The following ZNF486 variants were observed in gnomAD, a reference collection of about 807,000 sequenced individuals.
ZNF486 encodes the protein KRAB box only protein 2.
A neutral mutation model predicts 12.8 loss-of-function variants in ZNF486; 12 were observed. That is an observed-to-expected ratio of 0.94 (90% CI 0.60 to 1.52). The LOEUF is 1.52. ZNF486 is among the 40% of genes most tolerant of loss of function. The pLI, the probability that ZNF486 is intolerant of heterozygous loss-of-function variation, is 0.00. For synonymous variants in ZNF486, 231 were observed against 184.9 expected (o/e 1.25, Z -2.02); for missense variants, 738 against 545.0 (o/e 1.35, Z -3.53).
chr19:20,181,517 T>C (rs1389449486), intron 1 of ZNF486, among the ~76,000 whole-genome samples: 3 of 142,156 alleles, frequency 2.1e-5, no homozygotes, highest in Admixed American at 1.5e-4. Context: ...CCAGCCTGGG[T>C]GGCAGCGAGA....
chr19:20,193,270 A>T (rs1357103232), intron 3 of ZNF486, among the ~76,000 whole-genome samples: 4 of 151,888 alleles, frequency 2.6e-5, no homozygotes, highest in Admixed American at 6.6e-5. Flanking sequence ...ATATTTTATT[A>T]AAAAACTTTA....
chr19:20,177,624 C>T (rs1056855710), intron 1 of ZNF486, among the ~76,000 whole-genome samples: 2 of 152,234 alleles, frequency 1.3e-5, no homozygotes, highest in African/African-American at 4.8e-5. Flanking sequence ...ATTGCCCAGG[C>T]TGGAGTGCAA....
chr19:20,185,406 T>G (rs964151445), intron 2 of ZNF486, among the ~76,000 whole-genome samples: 2 of 98,000 alleles, frequency 2.0e-5, no homozygotes, highest in Admixed American at 8.8e-5. Context: ...TTGTTTATGT[T>G]TTTTTTTTTT....
intron 1 of ZNF486, among the ~76,000 whole-genome samples, chr19:20,174,107 A>G (rs1335382217): frequency 2.0e-5 from 3 of 152,192 alleles, no homozygotes; most frequent in African/African-American, 7.2e-5. Context: ...ACAGAAGCTT[A>G]GCACAAAGAT....
At chr19:20,168,540 G>C (rs1210574115) in intron 1 of ZNF486, among the ~76,000 whole-genome samples, 2 of 151,984 alleles carry the variant, frequency 1.3e-5, no homozygotes, top group African/African-American at 4.8e-5. Context: ...TGTAATCCCA[G>C]CTACTCGGGA....
rs1599703162 is a variant in ZNF486, at chr19:20,179,142, TC to T, written c.31-5211del. On this transcript the variant is annotated intron_variant, in intron 1 of 3. Transcript: ENST00000335117. ...AAATGAAAGTGCAGTTATGTCTTTC[TC>T]CCACTTTGAACGATGTATTCATCTA... 1.3e-5 allele frequency among the ~76,000 whole-genome samples: 2 copies of T among 152,352 alleles called. 1 individual carries two copies. Among genetic ancestry groups the T allele is most frequent in the South Asian group, 4.1e-4 (2 of 4,828 alleles).
chr19:20,173,240 T>A (rs1373480675), intron 1 of ZNF486, among the ~76,000 whole-genome samples: 18 of 152,322 alleles, frequency 1.2e-4, no homozygotes, highest in African/African-American at 4.3e-4. Flanking sequence ...GATTTTTGCA[T>A]ATGGTGTAAC....
At chr19:20,194,524 T>A (rs895348789) in intron 3 of ZNF486, among the ~76,000 whole-genome samples, 9 of 152,194 alleles carry the variant, frequency 5.9e-5, no homozygotes, top group Non-Finnish European at 1.3e-4. Context: ...GTCAGAAGTT[T>A]GAGACCAGCC....
At chr19:20,178,477 C>G (rs1281222083) in intron 1 of ZNF486, among the ~76,000 whole-genome samples, 3 of 151,912 alleles carry the variant, frequency 2.0e-5, no homozygotes, top group Non-Finnish European at 4.4e-5. Flanking sequence ...CTCCTGACCT[C>G]ATGATCTGCC....
intron 3 of ZNF486, among the ~76,000 whole-genome samples, chr19:20,195,227 G>T (rs999649450): frequency 6.6e-6 from 1 of 152,154 alleles, no homozygotes; most frequent in African/African-American, 2.4e-5. Flanking sequence ...GCAGTACAGT[G>T]GTACAATCTC....
At chr19:20,173,325 TC>T (rs2089670660) in intron 1 of ZNF486, among the ~76,000 whole-genome samples, 1 of 152,200 alleles carries the variant, frequency 6.6e-6, no homozygotes, top group South Asian at 2.1e-4. Context: ...AGAGAATCCT[TC>T]CCACATTTCT....
At chr19:20,194,840 TTA>T (rs2089942388) in intron 3 of ZNF486, among the ~76,000 whole-genome samples, 1 of 152,220 alleles carries the variant, frequency 6.6e-6, no homozygotes, top group South Asian at 2.1e-4. Flanking sequence ...GAAATTTTGC[TTA>T]TATATGTGTT....
At chr19:20,179,795 T>A (rs1555715286) in intron 1 of ZNF486, among the ~76,000 whole-genome samples, 1 of 152,184 alleles carries the variant, frequency 6.6e-6, no homozygotes, top group East Asian at 1.9e-4. Flanking sequence ...CCTGCTACAG[T>A]GATGTGAGAG....
intron 3 of ZNF486, among the ~76,000 whole-genome samples, chr19:20,194,835 T>G (rs916546828): frequency 2.0e-5 from 3 of 152,200 alleles, no homozygotes; most frequent in Non-Finnish European, 4.4e-5. Flanking sequence ...TTTTTGAAAT[T>G]TTGCTTATAT....
intron 1 of ZNF486, among the ~76,000 whole-genome samples, chr19:20,180,630 G>A (rs1226764633): frequency 2.0e-5 from 3 of 152,148 alleles, no homozygotes; most frequent in East Asian, 1.9e-4. Flanking sequence ...CATGAGTGCA[G>A]TGACATGATC....
chr19:20,198,126 ATT>A lies in ZNF486; in HGVS notation c.*30_*31del. ...GACAAAGGATTATTTTATTATTATT[ATT>A]TTTTTGAGAGGTAATTCTGCTGTTG... On this transcript the variant is annotated 3_prime_UTR_variant, in exon 4 of 4. Transcript: ENST00000335117. 1 of 1,514,576 alleles carries A rather than the reference ATT, an allele frequency of 6.6e-7. No homozygotes were observed. The highest frequency in any genetic ancestry group is 1.3e-5 in the South Asian group (1 of 77,286). The allele number at this position is 1,514,576 out of a possible 1,614,324, so 93.8% of individuals were successfully genotyped here. A position where few individuals can be genotyped will look rare whatever the true frequency, so the allele number is the denominator to read the frequency against.
chr19:20,188,333 T>A (rs2089870326), intron 3 of ZNF486: 1 of 397,628 alleles, frequency 2.5e-6, no homozygotes, highest in East Asian at 3.6e-5. Context: ...AGTTTTTCTT[T>A]AAAAAAATTG....
At chr19:20,187,069 C>T (rs1173098951) in intron 3 of ZNF486, among the ~76,000 whole-genome samples, 1 of 152,018 alleles carries the variant, frequency 6.6e-6, no homozygotes, top group Non-Finnish European at 1.5e-5. Context: ...AGGCATGAGC[C>T]ACCCCGCCCG....
chr19:20,174,119 G>C (rs2089679531), intron 1 of ZNF486, among the ~76,000 whole-genome samples: 1 of 151,982 alleles, frequency 6.6e-6, no homozygotes, highest in African/African-American at 2.4e-5. Context: ...CACAAAGATA[G>C]GATCAAATTT....
Sources: allele counts gnomAD v4.1 joint callset (sites outside exome capture counted in the v4.1 genomes callset), GRCh38; gene constraint gnomAD v4.1.1; transcripts MANE v1.5; gene names NCBI Gene and HGNC (gene_info 2026-07-23, HGNC 2026-07-21).